TAFA4: variants seen among roughly 807,000 people sequenced by gnomAD.
The protein encoded by TAFA4 is chemokine-like protein TAFA-4.
In TAFA4, 20 loss-of-function variants were observed where a neutral mutation model predicts 21.1. That is an observed-to-expected ratio of 0.95 (90% CI 0.67 to 1.38). The LOEUF (loss-of-function observed/expected upper bound fraction) is 1.38. Ranked by LOEUF, TAFA4 falls within the 40% of genes most tolerant of loss-of-function variation. The pLI, the probability that TAFA4 is intolerant of heterozygous loss-of-function variation, is 0.00. For missense variants in TAFA4, 211 were observed against 180.9 expected (o/e 1.17, Z -0.95); for synonymous variants, 71 against 67.4 (o/e 1.05, Z -0.26).
rs552075958 is a variant in TAFA4 at position 68,827,008 on chromosome 3, T to A, written c.130+53722A>T. 1.5e-3 allele frequency among the ~76,000 whole-genome samples: 235 copies of A among 152,146 alleles called. 1 individual carries two copies. In the South Asian group the frequency reaches 0.02, roughly 13 times the overall value. The stretch of plus-strand genomic sequence containing the variant: ...CCACCAACTCCTCATTTACATTAGG[T>A]ATTTCTCCTAACGCTATCCCTCCCC... On this transcript the variant is annotated intron_variant, in intron 3 of 5. Transcript: ENST00000295569.
chr3:68,793,029 C>G (rs982272395), intron 3 of TAFA4, among the ~76,000 whole-genome samples: 1 of 152,086 alleles, frequency 6.6e-6, no homozygotes, highest in African/African-American at 2.4e-5. Flanking sequence ...CTCTTAATGG[C>G]AGGATTACAT....
chr3:68,822,332 A>AGTT, intron 3 of TAFA4, among the ~76,000 whole-genome samples: 1 of 152,304 alleles, frequency 6.6e-6, no homozygotes, highest in Non-Finnish European at 1.5e-5. Context: ...ATTGAAGCTC[A>AGTT]GTTGTGTGTC....
At position 68,733,101 on chromosome 3, in the gene TAFA4, T is replaced by TCCTGCTGCCCCTCCAGGATTGAAG. The variant is rs777267635; in HGVS notation, c.*17_*40dup. On this transcript the variant is annotated 3_prime_UTR_variant, in exon 6 of 6. Coordinates refer to ENST00000295569, the MANE Select transcript of TAFA4 (RefSeq NM_182522.5). ...GGAATCCAAGCAAAAGAGCTCCGCC[T>TCCTGCTGCCCCTCCAGGATTGAAG]CCTGCTGCCCCTCCAGGATTGAAGC... 6.2e-7 allele frequency: 1 copy of TCCTGCTGCCCCTCCAGGATTGAAG among 1,612,082 alleles called. No individual in the cohort carries two copies. The highest frequency in any genetic ancestry group is 1.3e-5 in the African/African-American group (1 of 74,812).
intron 3 of TAFA4, among the ~76,000 whole-genome samples, chr3:68,845,194 C>G (rs1704756878): frequency 6.6e-6 from 1 of 152,104 alleles, no homozygotes; most frequent in African/African-American, 2.4e-5. Flanking sequence ...CTGGGTGTTC[C>G]TGCAGTGGGT....
intron 5 of TAFA4, among the ~76,000 whole-genome samples, chr3:68,735,869 T>C (rs1041852095): frequency 4.6e-5 from 7 of 152,170 alleles, no homozygotes; most frequent in Non-Finnish European, 8.8e-5. Context: ...ATAATTGTTG[T>C]AGAAGCTGTC....
At chr3:68,785,862 G>A (rs1248031752) in intron 3 of TAFA4, among the ~76,000 whole-genome samples, 1 of 152,208 alleles carries the variant, frequency 6.6e-6, no homozygotes, top group African/African-American at 2.4e-5. Flanking sequence ...TTCTTAAGAG[G>A]CATCTAAATG....
intron 3 of TAFA4, among the ~76,000 whole-genome samples, chr3:68,791,395 G>A (rs931433): frequency 0.2 from 30,941 of 152,032 alleles, 4,031 homozygotes; most frequent in East Asian, 0.6. Flanking sequence ...GGAATGCCTG[G>A]GGCTACCAAA....
chr3:68,754,074 C>T (rs1002099780), intron 3 of TAFA4, among the ~76,000 whole-genome samples: 1 of 152,188 alleles, frequency 6.6e-6, no homozygotes, highest in African/African-American at 2.4e-5. Context: ...CATTCACTCT[C>T]TCATGTTTTT....
intron 3 of TAFA4, among the ~76,000 whole-genome samples, chr3:68,827,221 T>A (rs1704260339): frequency 6.6e-6 from 1 of 152,164 alleles, no homozygotes; most frequent in Non-Finnish European, 1.5e-5. Context: ...GAACTCATCC[T>A]TTTTTATGGC....
intron 3 of TAFA4, among the ~76,000 whole-genome samples, chr3:68,753,227 C>T (rs938923660): frequency 6.6e-6 from 1 of 151,674 alleles, no homozygotes; most frequent in African/African-American, 2.4e-5. Flanking sequence ...CTGTGGTAGG[C>T]AGAAATGAGG....
chr3:68,779,260 C>T (rs904873581), intron 3 of TAFA4, among the ~76,000 whole-genome samples: 7 of 152,026 alleles, frequency 4.6e-5, no homozygotes, highest in Non-Finnish European at 7.4e-5. Context: ...AAAAGGGAAA[C>T]AGCATAAACG....
rs1475194446 is a variant in TAFA4 at position 68,797,801 on chromosome 3, C to T, written c.131-44783G>A. On this transcript the variant is annotated intron_variant, in intron 3 of 5. Coordinates refer to ENST00000295569, the MANE Select transcript of TAFA4 (RefSeq NM_182522.5). Reference sequence around the variant, plus strand: ...TGTCAGAGGCTGAGGGTGACGAATACCATCACCCTCAGTTATTATTTAATG... The same window carrying T: ...TGTCAGAGGCTGAGGGTGACGAATATCATCACCCTCAGTTATTATTTAATG... Among the ~76,000 whole-genome samples, 4 of 152,084 alleles carry T rather than the reference C, an allele frequency of 2.6e-5. No individual in the cohort carries two copies. In the East Asian group the frequency reaches 7.7e-4, roughly 29 times the overall value.
At chr3:68,737,862 G>A (rs1452770602) in intron 5 of TAFA4, among the ~76,000 whole-genome samples, 1 of 152,126 alleles carries the variant, frequency 6.6e-6, no homozygotes, top group Non-Finnish European at 1.5e-5. Flanking sequence ...CAATAGCAAT[G>A]AGAACCAAAG....
intron 3 of TAFA4, among the ~76,000 whole-genome samples, chr3:68,812,903 A>T (rs1476349644): frequency 6.6e-6 from 1 of 152,216 alleles, no homozygotes; most frequent in Non-Finnish European, 1.5e-5. Flanking sequence ...CACCTATTCC[A>T]AAATTGACCA....
Position 68,731,866 on chromosome 3 carries a change from A to G in TAFA4, c.*1276T>C, listed in dbSNP as rs1702154328. On this transcript the variant is annotated 3_prime_UTR_variant, in exon 6 of 6. Coordinates refer to ENST00000295569, the MANE Select transcript of TAFA4 (RefSeq NM_182522.5). ...TTCCATTCCTTTCCATTCCCTCTGC[A>G]AGAATAAAATCAAATAACTGTTAGG... 1 of 143,626 alleles carries G rather than the reference A, an allele frequency of 7.0e-6. No homozygotes were observed. The highest frequency in any genetic ancestry group is 1.5e-5 in the Non-Finnish European group (1 of 65,632). The allele number at this position is 143,626 out of a possible 1,614,324, so 8.9% of individuals were successfully genotyped here. A position where few individuals can be genotyped will look rare whatever the true frequency, so the allele number is the denominator to read the frequency against.
chr3:68,834,945 C>G (rs1342444128), intron 3 of TAFA4, among the ~76,000 whole-genome samples: 1 of 152,156 alleles, frequency 6.6e-6, no homozygotes, highest in Non-Finnish European at 1.5e-5. Flanking sequence ...GATTCTGTCT[C>G]CCTCTGCTCA....
intron 3 of TAFA4, among the ~76,000 whole-genome samples, chr3:68,767,228 T>C (rs768095559): frequency 6.6e-6 from 1 of 152,050 alleles, no homozygotes; most frequent in Non-Finnish European, 1.5e-5. Flanking sequence ...GAGGATATGC[T>C]ATAGCAAAAT....
intron 3 of TAFA4, among the ~76,000 whole-genome samples, chr3:68,786,476 G>A (rs1341370313): frequency 6.6e-6 from 1 of 152,152 alleles, no homozygotes; most frequent in Non-Finnish European, 1.5e-5. Flanking sequence ...GGGCAACATA[G>A]TGAGACTCCA....
At chr3:68,802,517 A>T (rs900751401) in intron 3 of TAFA4, among the ~76,000 whole-genome samples, 4 of 152,082 alleles carry the variant, frequency 2.6e-5, no homozygotes, top group South Asian at 2.1e-4. Context: ...GTGCACTAGA[A>T]GATAAATACT....
Sources: gnomAD v4.1 joint callset for allele counts (sites outside exome capture counted in the v4.1 genomes callset) on GRCh38, gnomAD v4.1.1 for gene constraint, MANE v1.5 for transcripts, NCBI Gene and HGNC (gene_info 2026-07-23, HGNC 2026-07-21) for gene names.